Variants in TMEM231 observed in about 807,000 individuals in gnomAD.
TMEM231 encodes transmembrane protein 231.
Under a neutral mutation model 38.5 loss-of-function variants are expected in TMEM231, and 40 were observed. The ratio of observed to expected loss-of-function variants is 1.04; its 90% confidence interval spans 0.81 to 1.35. The LOEUF (loss-of-function observed/expected upper bound fraction) is 1.35. TMEM231 is among the 40% of genes most tolerant of loss of function. TMEM231 has a pLI of 0.00. For synonymous variants in TMEM231, 199 were observed against 181.7 expected (o/e 1.10, Z -0.77); for missense variants, 420 against 416.9 (o/e 1.01, Z -0.07).
chr16:75,546,064 C>T, intron 2 of TMEM231, 110 bp from the exon 3 acceptor site: 1 of 1,551,150 alleles, frequency 6.4e-7, no homozygotes, highest in Admixed American at 2.0e-5. Context: ...ACACAACAGG[C>T]ATTATCTCCT....
chr16:75,545,189 C>G (rs1215758783), intron 4 of TMEM231, among the ~76,000 whole-genome samples, 163 bp downstream of exon 4: 1 of 152,012 alleles, frequency 6.6e-6, no homozygotes, highest in Admixed American at 6.6e-5. Flanking sequence ...CTCCGGACCT[C>G]AAGTGATCCA....
rs913823908 is a variant in TMEM231, at chr16:75,537,223, C to G, written c.*2771G>C. On this transcript the variant is annotated 3_prime_UTR_variant, in exon 7 of 7. Coordinates refer to ENST00000258173, the MANE Select transcript of TMEM231 (RefSeq NM_001077418.3). ...TGAAATAATCTGTACACCAAACCCC[C>G]AGGTTGTACAATTTAGCTATATACG... 6 of 151,782 alleles carry G rather than the reference C, an allele frequency of 4.0e-5. No individual in the cohort carries two copies. Among genetic ancestry groups the G allele is most frequent in the Non-Finnish European group, 7.4e-5 (5 of 67,984 alleles). The allele number at this position is 151,782 out of a possible 1,614,324, so 9.4% of individuals were successfully genotyped here. A position where few individuals can be genotyped will look rare whatever the true frequency, so the allele number is the denominator to read the frequency against.
chr16:75,549,306 CAA>C (rs2080728589), intron 2 of TMEM231, among the ~76,000 whole-genome samples: 1 of 152,226 alleles, frequency 6.6e-6, no homozygotes, highest in Admixed American at 6.5e-5. Context: ...TTCTTTAACA[CAA>C]ATTCTAGGTC....
In TMEM231 at chr16:75,545,426, A is replaced by G. The variant is rs768202616; in HGVS notation, c.508T>C (p.Leu170=). The change falls in exon 4 of 7, where the codon TTA becomes CTA. Residue 170 remains leucine (L), a synonymous_variant. Transcript: ENST00000258173. ...QSSFPVPGSQ[L]YVNGDLRLQQ... Reference sequence around the variant, plus strand: ...AGCCTCAGGTCTCCGTTCACGTATAACTGGGATCCCGGGACAGGAAAGGAG... The same window carrying G: ...AGCCTCAGGTCTCCGTTCACGTATAGCTGGGATCCCGGGACAGGAAAGGAG... 5 of 1,607,812 alleles carry G rather than the reference A, an allele frequency of 3.1e-6. No individual in the cohort carries two copies. In the East Asian group the frequency reaches 6.7e-5, roughly 22 times the overall value.
At chr16:75,541,675 G>C in intron 5 of TMEM231, 2 of 335,464 alleles carry the variant, frequency 6.0e-6, no homozygotes, top group Non-Finnish European at 1.1e-5. Context: ...CTTGGAAAGA[G>C]TTTCTTCTAC....
intron 2 of TMEM231, among the ~76,000 whole-genome samples, chr16:75,553,112 C>T (rs890603706): frequency 6.6e-6 from 1 of 152,188 alleles, no homozygotes; most frequent in African/African-American, 2.4e-5. Flanking sequence ...CAGCATTTCC[C>T]CCAATTAGCC....
At chr16:75,543,249 T>A (rs1396988195) in intron 4 of TMEM231, among the ~76,000 whole-genome samples, 3 of 149,656 alleles carry the variant, frequency 2.0e-5, no homozygotes, top group Admixed American at 6.7e-5. Flanking sequence ...AAAGACTTCA[T>A]CTCTCAAAAA....
Position 75,555,851 on chromosome 16 carries a change from CG to C in TMEM231, c.261del (p.Ala88ProfsTer52). ...CGATCCCCTTGCAGCCGGTTGAAGG[CG>C]GGGAACGTGCTCCAGGCGAGGAACC... is the stretch of plus-strand genomic sequence containing the variant. ...SDGFLAWSTF[P>X]AFNRLQGDRL... On this transcript the variant is annotated frameshift_variant, in exon 2 of 7. Transcript: ENST00000258173. LOFTEE classifies it high-confidence loss of function. 6.3e-7 allele frequency: 1 copy of C among 1,581,230 alleles called. No individual in the cohort carries two copies.
In TMEM231 at chr16:75,545,830, A is replaced by G. The variant is rs1159838417; in HGVS notation, c.434T>C (p.Leu145Ser). The change falls in exon 3 of 7, where the codon TTA becomes TCA. Residue 145 changes from leucine to serine, a missense_variant. Leu to Ser is a moderately radical substitution (Grantham distance 145, BLOSUM62 -2). Transcript: ENST00000258173. ...VQLILTFSYR[L>S]HRMATLVMQS... ...CCTCCCAGCGGACTGACTCACGTGT[A>G]ATCGATAGGAGAAAGTCAGGATGAG... 1 of 1,226,426 alleles carries G rather than the reference A, an allele frequency of 8.2e-7. No individual in the cohort carries two copies. Among genetic ancestry groups the G allele is most frequent in the South Asian group, 1.5e-5 (1 of 67,998 alleles). The allele number at this position is 1,226,426 out of a possible 1,614,324, so 76.0% of individuals were successfully genotyped here. A position where few individuals can be genotyped will look rare whatever the true frequency, so the allele number is the denominator to read the frequency against.
Position 75,556,180 on chromosome 16 carries a change from C to A in TMEM231, c.30G>T (p.Pro10=). MALYELFSH[P]VERSYRAGLC... ...GCCCCGCGCGGTAACTGCGCTCGACCGGGTGAGAGAAGAGCTCATAGAGCG... is the reference window on the plus strand; with the variant it reads ...GCCCCGCGCGGTAACTGCGCTCGACAGGGTGAGAGAAGAGCTCATAGAGCG... The change falls in exon 1 of 7, where the codon CCG becomes CCT. Residue 10 remains proline, a synonymous_variant. Coordinates refer to ENST00000258173, the MANE Select transcript of TMEM231 (RefSeq NM_001077418.3). The A allele has an allele frequency of 6.5e-7, 1 of 1,528,698 alleles. No individual in the cohort carries two copies. Among genetic ancestry groups the A allele is most frequent in the Non-Finnish European group, 8.8e-7 (1 of 1,142,250 alleles). The allele number at this position is 1,528,698 out of a possible 1,614,324, so 94.7% of individuals were successfully genotyped here.
intron 2 of TMEM231, among the ~76,000 whole-genome samples, chr16:75,546,442 T>C (rs1471983259): frequency 2.0e-5 from 3 of 147,700 alleles, no homozygotes; most frequent in East Asian, 3.9e-4. Flanking sequence ...CCAAGCTCTA[T>C]TTTTTTTTGT....
chr16:75,549,774 T>C (rs1252574213), intron 2 of TMEM231, among the ~76,000 whole-genome samples: 1 of 152,000 alleles, frequency 6.6e-6, no homozygotes, highest in African/African-American at 2.4e-5. Flanking sequence ...AGTGGCACAA[T>C]CGCCACTCAC....
At chr16:75,550,810 G>C (rs1411630811) in intron 2 of TMEM231, among the ~76,000 whole-genome samples, 1 of 150,246 alleles carries the variant, frequency 6.7e-6, no homozygotes, top group Admixed American at 6.7e-5. Context: ...TCCGCCTCCC[G>C]GGTTCAAGCA....
In TMEM231 at chr16:75,548,286, G is replaced by A. The variant is rs142690312; in HGVS notation, c.310-2332C>T. On this transcript the variant is annotated intron_variant, in intron 2 of 6. Transcript: ENST00000258173. ...AAAAACAGCAGCACCAGGCATCTACGTCTGTATACTTGCCTGTGCACATCC... is the reference window on the plus strand; with the variant it reads ...AAAAACAGCAGCACCAGGCATCTACATCTGTATACTTGCCTGTGCACATCC... Among the ~76,000 whole-genome samples the A allele has an allele frequency of 1.0e-3, 155 of 152,282 alleles. 1 individual carries two copies. The highest frequency in any genetic ancestry group is 3.4e-3 in the African/African-American group (143 of 41,558).
chr16:75,542,627 A>G lies in TMEM231; in HGVS notation c.639T>C (p.Ile213=). The G allele has an allele frequency of 6.2e-7, 1 of 1,613,916 alleles. No individual in the cohort carries two copies. The highest frequency in any genetic ancestry group is 8.5e-7 in the Non-Finnish European group (1 of 1,179,872). Residue 213 remains isoleucine (I), a synonymous_variant, in exon 5 of 7, where the codon ATT becomes ATC. Transcript: ENST00000258173. ...PFAYDYDLTH[I]VAAYQERNVT... is the part of the protein sequence containing the mutation. ...CGTTCCTCTCCTGGTAGGCAGCAACAATATGGGTGAGGTCGTAGTCATAGG... is the reference window on the plus strand; with the variant it reads ...CGTTCCTCTCCTGGTAGGCAGCAACGATATGGGTGAGGTCGTAGTCATAGG...
intron 4 of TMEM231, among the ~76,000 whole-genome samples, chr16:75,543,506 G>A (rs2080650550): frequency 6.6e-6 from 1 of 152,082 alleles, no homozygotes; most frequent in East Asian, 1.9e-4. Context: ...GGAGACAGAG[G>A]TTGCAGTGAG....
intron 2 of TMEM231, among the ~76,000 whole-genome samples, chr16:75,546,803 T>A (rs1454238231): frequency 6.6e-6 from 1 of 152,240 alleles, no homozygotes; most frequent in African/African-American, 2.4e-5. Flanking sequence ...ATTCTTGATG[T>A]TGGATCTTAT....
chr16:75,553,033 C>T (rs1374763198), intron 2 of TMEM231, among the ~76,000 whole-genome samples: 1 of 152,172 alleles, frequency 6.6e-6, no homozygotes, highest in Non-Finnish European at 1.5e-5. Flanking sequence ...AAGCATTAAA[C>T]ATGTAGGGAG....
intron 5 of TMEM231, 149 bp from the exon 6 acceptor site, chr16:75,541,604 C>G: frequency 2.1e-6 from 1 of 467,932 alleles, no homozygotes; most frequent in Non-Finnish European, 3.8e-6. Context: ...ATGTGCAAAG[C>G]TGATCACACA....
Sources: gnomAD v4.1 joint callset for allele counts (sites outside exome capture counted in the v4.1 genomes callset) on GRCh38, gnomAD v4.1.1 for gene constraint, MANE v1.5 for transcripts, NCBI Gene and HGNC (gene_info 2026-07-23, HGNC 2026-07-21) for gene names.